POLN: variants seen among roughly 807,000 people sequenced by gnomAD.
POLN encodes the protein DNA polymerase nu, also known as DNA polymerase N.
POLN carries 108 observed loss-of-function variants against 113.5 expected under a neutral mutation model. That is an observed-to-expected ratio of 0.95 (90% CI 0.81 to 1.12). POLN has a LOEUF of 1.12. Among genes scored for constraint, POLN ranks in the 50% most tolerant of loss-of-function variants. The pLI, the probability that POLN is intolerant of heterozygous loss-of-function variation, is 0.00. For missense variants in POLN, 1,097 were observed against 1,077.1 expected (o/e 1.02, Z -0.26); for synonymous variants, 386 against 391.5 (o/e 0.99, Z 0.17).
At chr4:2,073,311 T>TGGCCC (rs928312691) in intron 24 of POLN, among the ~76,000 whole-genome samples, 3 of 152,202 alleles carry the variant, frequency 2.0e-5, no homozygotes, top group African/African-American at 4.8e-5. Flanking sequence ...CCTCCTGGCC[T>TGGCCC]GGCCCACCAC....
Position 2,094,977 on chromosome 4 carries a change from GA to G in POLN, c.2065+873del, listed in dbSNP as rs1730750138. On this transcript the variant is annotated intron_variant, in intron 20 of 25. Transcript: ENST00000511885. ...CTTTGCACAAGCCCTGCTACCCAAA[GA>G]AGAACTGATCACAGGGAAAAGGAGG... is the stretch of plus-strand genomic sequence containing the variant. 2.0e-5 allele frequency among the ~76,000 whole-genome samples: 3 copies of G among 152,154 alleles called. 1 individual carries two copies. The highest frequency in any genetic ancestry group is 4.1e-4 in the South Asian group (2 of 4,820).
intron 16 of POLN, among the ~76,000 whole-genome samples, chr4:2,136,015 A>G (rs1731848822): frequency 6.6e-6 from 1 of 152,176 alleles, no homozygotes; most frequent in South Asian, 2.1e-4. Context: ...AAGCCTCAGA[A>G]CCAGCATACT....
chr4:2,150,969 A>G (rs1327860958), intron 16 of POLN, among the ~76,000 whole-genome samples: 1 of 152,258 alleles, frequency 6.6e-6, no homozygotes, highest in Non-Finnish European at 1.5e-5. Flanking sequence ...ACTCATTGAT[A>G]AATCAGAATT....
At chr4:2,204,621 G>A (rs1733800893) in intron 5 of POLN, among the ~76,000 whole-genome samples, 1 of 152,062 alleles carries the variant, frequency 6.6e-6, no homozygotes, top group Admixed American at 6.6e-5. Context: ...ACCAATACCA[G>A]GAAAGGATAC....
chr4:2,103,618 A>G (rs2108706322), intron 19 of POLN, among the ~76,000 whole-genome samples: 1 of 152,322 alleles, frequency 6.6e-6, no homozygotes, highest in African/African-American at 2.4e-5. Flanking sequence ...TCCCCGGGAA[A>G]ATACAATGTG....
At chr4:2,147,629 C>A (rs1329941588) in intron 16 of POLN, among the ~76,000 whole-genome samples, 1 of 86,982 alleles carries the variant, frequency 1.1e-5, no homozygotes, top group Admixed American at 1.2e-4. Context: ...GATCAGACAT[C>A]CAGTTTTTCT....
intron 4 of POLN, 70 bp downstream of exon 4, chr4:2,212,977 A>G: frequency 9.0e-7 from 1 of 1,112,806 alleles, no homozygotes; most frequent in Non-Finnish European, 1.3e-6. Flanking sequence ...CACACAGTAG[A>G]ACACTTAATA....
chr4:2,129,056 CAAAAAAA>C (rs542873881), intron 18 of POLN, 116 bp downstream of exon 18: 35 of 280,384 alleles, frequency 1.2e-4, no homozygotes, highest in Admixed American at 3.3e-4. Context: ...ACTCTTGTCT[CAAAAAAA>C]AAAAAAAAAA....
intron 11 of POLN, among the ~76,000 whole-genome samples, chr4:2,173,353 G>C (rs1310247952): frequency 1.3e-5 from 2 of 152,182 alleles, no homozygotes; most frequent in Non-Finnish European, 2.9e-5. Context: ...TATATAATGT[G>C]TGGTGGTCAC....
intron 16 of POLN, among the ~76,000 whole-genome samples, chr4:2,152,058 G>T (rs1469975416): frequency 2.7e-5 from 4 of 149,020 alleles, no homozygotes; most frequent in Non-Finnish European, 4.4e-5. Context: ...TTTGAGGTGG[G>T]ATCTCACTCT....
At chr4:2,129,056 C>CAA (rs542873881) in intron 18 of POLN, 123 bp downstream of exon 18, 1,168 of 287,490 alleles carry the variant, frequency 4.1e-3, no homozygotes, top group South Asian at 5.5e-3. Context: ...ACTCTTGTCT[C>CAA]AAAAAAAAAA....
rs547851825 is a variant in POLN, at chr4:2,126,862, C to T, written c.1982+1251G>A. ...GAGGGAGCACCAGGAGAGTGGGTGG[C>T]AACCAGGCCAGAGAGCAGCCAGAGC... On this transcript the variant is annotated intron_variant, in intron 19 of 25. Transcript: ENST00000511885. The surrounding 1 kb of genome is among the most constrained non-coding windows in gnomAD (Gnocchi z 4.6). Among the ~76,000 whole-genome samples, 465 of 152,240 alleles carry T rather than the reference C, an allele frequency of 3.1e-3. 3 individuals are homozygous for T. The highest frequency in any genetic ancestry group is 5.7e-3 in the Non-Finnish European group (390 of 68,006).
rs535260151 is a variant in POLN at position 2,179,308 on chromosome 4, C to T, written c.1179G>A (p.Val393=). The T allele has an allele frequency of 1.9e-6, 3 of 1,610,500 alleles. No individual in the cohort carries two copies. The South Asian group carries it at 3.3e-5, about 18-fold the overall frequency. The change falls in exon 8 of 26, where the codon GTG becomes GTA. Residue 393 remains valine, a splice_region_variant and synonymous_variant. Coordinates refer to ENST00000511885, the MANE Select transcript of POLN (RefSeq NM_181808.4). ...TAAAACTTTATCTTAAACAACTCAC[C>T]ACAATATTTCTTGAGGAATTTCCAT... ...STYGNSSRNI[V]NQNVRENLKT... is the part of the protein sequence containing the mutation.
chr4:2,198,268 C>T (rs1021625988), intron 6 of POLN, among the ~76,000 whole-genome samples: 2 of 152,180 alleles, frequency 1.3e-5, no homozygotes, highest in African/African-American at 2.4e-5. Flanking sequence ...TTCTCCCTAG[C>T]TTCTCACTGT....
chr4:2,218,360 G>A (rs1438824438), intron 3 of POLN, among the ~76,000 whole-genome samples: 5 of 151,826 alleles, frequency 3.3e-5, no homozygotes, highest in South Asian at 2.1e-4. Flanking sequence ...CAGGAGAATC[G>A]CTTGAACCTG....
Position 2,072,319 on chromosome 4 carries a change from G to T in POLN, c.2518-20C>A, listed in dbSNP as rs1212400045. On this transcript the variant is annotated intron_variant, in intron 25 of 25. Transcript: ENST00000511885. ...GGGTACCTGCAGGTGGCAGCCAGAG[G>T]TGAGCCCCACGCCTGGGCCAGCCAC... 6.6e-6 allele frequency: 10 copies of T among 1,523,350 alleles called. No individual in the cohort carries two copies. The allele number at this position is 1,523,350 out of a possible 1,614,324, so 94.4% of individuals were successfully genotyped here.
intron 5 of POLN, among the ~76,000 whole-genome samples, chr4:2,201,142 C>T (rs552130755): frequency 2.0e-5 from 3 of 151,542 alleles, no homozygotes; most frequent in East Asian, 3.9e-4. Flanking sequence ...TGGCACATGC[C>T]TGTAGTCCTA....
intron 13 of POLN, among the ~76,000 whole-genome samples, chr4:2,168,631 AG>A (rs1325794776): frequency 6.6e-6 from 1 of 152,232 alleles, no homozygotes; most frequent in East Asian, 1.9e-4. Context: ...TGCAAAGGGA[AG>A]GGCAACAGTG....
In POLN at chr4:2,120,979, C is replaced by T. The variant is rs534859875; in HGVS notation, c.1982+7134G>A. ...TTTGTCTGTTCCTTGGGATTTTGCA[C>T]ATAGACAATCATGTCATCTGCTAAG... On this transcript the variant is annotated intron_variant, in intron 19 of 25. Coordinates refer to ENST00000511885, the MANE Select transcript of POLN (RefSeq NM_181808.4). Among the ~76,000 whole-genome samples the T allele has an allele frequency of 3.9e-5, 6 of 152,336 alleles. No homozygotes were observed. In the South Asian group the frequency reaches 1.2e-3, roughly 32 times the overall value.
Sources: gnomAD v4.1 joint callset for allele counts (sites outside exome capture counted in the v4.1 genomes callset) on GRCh38, gnomAD v4.1.1 for gene constraint, Gnocchi (gnomAD v3.1) non-coding constraint, MANE v1.5 for transcripts, NCBI Gene and HGNC (gene_info 2026-07-23, HGNC 2026-07-21) for gene names.